Variants in LUZP1 observed in about 807,000 individuals in gnomAD.
LUZP1 encodes the protein filamin mechanobinding actin cross-linking protein.
In LUZP1, 25 loss-of-function variants were observed where a neutral mutation model predicts 71.3. The observed-to-expected ratio is 0.35, with a 90% CI of 0.26 to 0.49. LUZP1 has a LOEUF of 0.49. Ranked by LOEUF, LUZP1 falls within the 20% of genes least tolerant of loss-of-function variation. LUZP1 has a pLI of 0.99. For missense variants in LUZP1, 1,142 were observed against 1,300.8 expected, an observed-to-expected ratio of 0.88 and a Z score of 1.88; for synonymous variants, 481 against 506.4, an observed-to-expected ratio of 0.95 and a Z score of 0.67.
At chr1:23,171,099 A>AAT (rs544526974) in intron 1 of LUZP1, among the ~76,000 whole-genome samples, 3,897 of 139,338 alleles carry the variant, frequency 0.028, 200 homozygotes, top group Admixed American at 0.12. Context: ...AAAAAAAAAA[A>AAT]ATATATATAT....
At chr1:23,175,380 T>C (rs1644576420) in intron 1 of LUZP1, among the ~76,000 whole-genome samples, 1 of 152,228 alleles carries the variant, frequency 6.6e-6, no homozygotes, top group Non-Finnish European at 1.5e-5. Flanking sequence ...TTGTAAATCG[T>C]AACACATAAT....
intron 2 of LUZP1, among the ~76,000 whole-genome samples, chr1:23,135,554 C>T (rs1279775338): frequency 6.6e-6 from 1 of 152,142 alleles, no homozygotes; most frequent in African/African-American, 2.4e-5. Context: ...TAGGAACAGG[C>T]ATGGTACTGG....
At chr1:23,107,844 T>C (rs1643996232) in intron 3 of LUZP1, among the ~76,000 whole-genome samples, 1 of 152,194 alleles carries the variant, frequency 6.6e-6, no homozygotes, top group African/African-American at 2.4e-5. Flanking sequence ...AGAGTTTGCC[T>C]TGAATTTTTC....
intron 2 of LUZP1, among the ~76,000 whole-genome samples, chr1:23,139,746 G>A (rs1341598101): frequency 6.6e-6 from 1 of 152,092 alleles, no homozygotes. Context: ...CCAGGAGTTC[G>A]AGACCAGCCC....
At chr1:23,124,329 G>T (rs1644153820) in intron 2 of LUZP1, among the ~76,000 whole-genome samples, 3 of 152,252 alleles carry the variant, frequency 2.0e-5, no homozygotes, top group Admixed American at 2.0e-4. Flanking sequence ...GCTGGACCTA[G>T]GACCTAAGTG....
chr1:23,093,965 T>C lies in LUZP1; in HGVS notation c.297A>G (p.Glu99=). 6.2e-7 allele frequency: 1 copy of C among 1,614,224 alleles called. No homozygotes were observed. The highest frequency in any genetic ancestry group is 8.5e-7 in the Non-Finnish European group (1 of 1,180,032). ...ATTTCAGCTCCCGGGTGAGGTTTTC[T>C]TCCTCTTCAAGTTTCTCCTTCATCA... is the stretch of plus-strand genomic sequence containing the variant. Residue 99 remains glutamate (E), a synonymous_variant, in exon 4 of 5, where the codon GAA becomes GAG. Coordinates refer to ENST00000302291, the Ensembl canonical transcript of LUZP1. The surrounding 1 kb of genome is among the most constrained non-coding windows in gnomAD (Gnocchi z 4.2).
At chr1:23,110,216 A>C (rs777356092) in intron 2 of LUZP1, among the ~76,000 whole-genome samples, 5 of 152,124 alleles carry the variant, frequency 3.3e-5, no homozygotes, top group Non-Finnish European at 7.3e-5. Flanking sequence ...GAACCACCCA[A>C]TATCAATTAA....
At chr1:23,117,454 C>CTCTCTCT (rs1491549231) in intron 2 of LUZP1, among the ~76,000 whole-genome samples, 1 of 13,362 alleles carries the variant, frequency 7.5e-5, no homozygotes, top group Non-Finnish European at 1.1e-4. Context: ...TTTTTTTTTT[C>CTCTCTCT]CTCTCTCTCT....
exon 4 of LUZP1, chr1:23,091,248 C>G (rs370900179): frequency 1.9e-6 from 3 of 1,613,794 alleles, no homozygotes; most frequent in Non-Finnish European, 2.5e-6. Context: ...CCGATTCCGA[C>G]GGGTAAGCAC....
exon 4 of LUZP1, chr1:23,092,872 C>G (rs201798117): frequency 6.2e-7 from 1 of 1,613,884 alleles, no homozygotes; most frequent in East Asian, 2.2e-5. Context: ...GACTTCTTCC[C>G]TTCGCTCTGG....
intron 2 of LUZP1, among the ~76,000 whole-genome samples, chr1:23,157,789 T>TCAAAA (rs769591472): frequency 3.8e-4 from 57 of 149,292 alleles, no homozygotes; most frequent in African/African-American, 8.7e-4. Flanking sequence ...AGACTCCATC[T>TCAAAA]CAAAACAAAA....
At chr1:23,145,194 C>T (rs537392838) in intron 2 of LUZP1, among the ~76,000 whole-genome samples, 143 of 152,012 alleles carry the variant, frequency 9.4e-4, no homozygotes, top group Middle Eastern at 6.8e-3. Flanking sequence ...AGCCACTATG[C>T]CCAGCCTATT....
chr1:23,124,546 A>T (rs1321751777), intron 2 of LUZP1, among the ~76,000 whole-genome samples: 1 of 152,216 alleles, frequency 6.6e-6, no homozygotes, highest in East Asian at 1.9e-4. Flanking sequence ...CCTTAATTTC[A>T]AGAGTTTTTC....
intron 2 of LUZP1, among the ~76,000 whole-genome samples, chr1:23,157,496 T>A (rs186381502): frequency 4.6e-5 from 7 of 151,916 alleles, no homozygotes; most frequent in Non-Finnish European, 1.0e-4. Flanking sequence ...GGGTAACATA[T>A]CAAGACCTGT....
At chr1:23,130,142 T>C (rs1644202954) in intron 2 of LUZP1, among the ~76,000 whole-genome samples, 2 of 152,348 alleles carry the variant, frequency 1.3e-5, no homozygotes, top group Non-Finnish European at 2.9e-5. Context: ...TTTCCCTGCC[T>C]GGAATACCCT....
chr1:23,126,900 T>G (rs142131937), intron 2 of LUZP1, among the ~76,000 whole-genome samples: 1 of 152,246 alleles, frequency 6.6e-6, no homozygotes, highest in African/African-American at 2.4e-5. Context: ...AGCCTACAGA[T>G]AGATGTTTCC....
Position 23,093,991 on chromosome 1 carries a change from G to C in LUZP1, c.271C>G (p.Leu91Val), listed in dbSNP as rs753233913. Residue 91 changes from leucine to valine, a missense_variant, in exon 4 of 5, where the codon CTG becomes GTG. By Grantham distance (32) the Leu-to-Val change is conservative. Coordinates refer to ENST00000302291, the Ensembl canonical transcript of LUZP1. The surrounding 1 kb of genome is among the most constrained non-coding windows in gnomAD (Gnocchi z 4.2). ...TCCTCTTCAAGTTTCTCCTTCATCAGACGACACAGATCCTCTGCTCTCTTA... is the reference window on the plus strand; with the variant it reads ...TCCTCTTCAAGTTTCTCCTTCATCACACGACACAGATCCTCTGCTCTCTTA... 2 of 1,614,188 alleles carry C rather than the reference G, an allele frequency of 1.2e-6. No individual in the cohort carries two copies. Among genetic ancestry groups the C allele is most frequent in the African/African-American group, 1.3e-5 (1 of 75,042 alleles).
intron 3 of LUZP1, among the ~76,000 whole-genome samples, chr1:23,108,472 C>A (rs897430941): frequency 5.9e-5 from 9 of 152,104 alleles, no homozygotes; most frequent in African/African-American, 9.7e-5. Flanking sequence ...TGGTGGTGCA[C>A]ACCTGTAGTC....
At chr1:23,084,484 G>C (rs184393194) in exon 5 of LUZP1, 22 of 152,158 alleles carry the variant, frequency 1.4e-4, no homozygotes, top group African/African-American at 5.1e-4. Context: ...GGATCATCTA[G>C]GATGTTCTGC....
Sources: gnomAD v4.1 joint callset for allele counts (sites outside exome capture counted in the v4.1 genomes callset) on GRCh38, gnomAD v4.1.1 for gene constraint, Gnocchi (gnomAD v3.1) non-coding constraint, MANE v1.5 for transcripts, NCBI Gene and HGNC (gene_info 2026-07-23, HGNC 2026-07-21) for gene names.